The following LINGO2 variants were observed in gnomAD, a reference collection of about 807,000 sequenced individuals.
LINGO2 encodes leucine rich repeat and Ig domain containing 2.
LINGO2 carries 14 observed loss-of-function variants against 30.6 expected under a neutral mutation model. The observed-to-expected ratio is 0.46, with a 90% CI of 0.30 to 0.72. The LOEUF is 0.72. Ranked by LOEUF, LINGO2 falls within the 30% of genes least tolerant of loss-of-function variation. The pLI is 0.07. For missense variants in LINGO2, 729 were observed against 751.7 expected (o/e 0.97, Z 0.35); for synonymous variants, 317 against 288.5 (o/e 1.10, Z -1.00).
chr9:28,448,164 T>C (rs1199882036), intron 2 of LINGO2, among the ~76,000 whole-genome samples: 1 of 152,174 alleles, frequency 6.6e-6, no homozygotes, highest in East Asian at 1.9e-4. Flanking sequence ...AAAGATAGAA[T>C]AAAGGACAAA....
At chr9:28,593,534 G>A (rs920206543) in intron 1 of LINGO2, among the ~76,000 whole-genome samples, 1 of 152,040 alleles carries the variant, frequency 6.6e-6, no homozygotes, top group African/African-American at 2.4e-5. Flanking sequence ...ATGGACCACA[G>A]TAGTCTAGTG....
At chr9:27,955,892 G>C (rs974712394) in intron 5 of LINGO2, among the ~76,000 whole-genome samples, 1 of 151,192 alleles carries the variant, frequency 6.6e-6, no homozygotes, top group Admixed American at 6.6e-5. Context: ...AGCAATGCAA[G>C]GGAGTTTCAT....
chr9:28,581,947 A>G (rs1824278427), intron 1 of LINGO2, among the ~76,000 whole-genome samples: 2 of 151,924 alleles, frequency 1.3e-5, no homozygotes, highest in African/African-American at 2.4e-5. Context: ...TAATCTCTCA[A>G]TTACACAATG....
the LINGO2 span, among the ~76,000 whole-genome samples, chr9:28,885,006 ATAT>A: frequency 2.2e-5 from 2 of 89,496 alleles, no homozygotes; most frequent in Admixed American, 2.3e-4. Context: ...TTATATATAT[ATAT>A]ATATATATAT....
chr9:28,333,886 T>C (rs1825504787), intron 3 of LINGO2, among the ~76,000 whole-genome samples: 1 of 152,170 alleles, frequency 6.6e-6, no homozygotes, highest in East Asian at 1.9e-4. Flanking sequence ...GCAAAGGAAA[T>C]GAAAATATTG....
chr9:28,563,708 C>T (rs963200054), intron 1 of LINGO2, among the ~76,000 whole-genome samples: 5 of 152,104 alleles, frequency 3.3e-5, no homozygotes, highest in Non-Finnish European at 7.3e-5. Context: ...TGGCATAAGT[C>T]CTCATGAAAA....
intron 1 of LINGO2, among the ~76,000 whole-genome samples, chr9:28,617,904 GA>G (rs1031503460): frequency 6.6e-6 from 1 of 151,904 alleles, no homozygotes; most frequent in African/African-American, 2.4e-5. Flanking sequence ...CTTTACTAGT[GA>G]AAAAAGATAC....
chr9:28,164,080 C>T (rs1828361372), intron 4 of LINGO2, among the ~76,000 whole-genome samples: 1 of 152,120 alleles, frequency 6.6e-6, no homozygotes, highest in Non-Finnish European at 1.5e-5. Flanking sequence ...TTTTGGCTTA[C>T]ATGTAATGAA....
chr9:29,201,968 C>A, the LINGO2 span, among the ~76,000 whole-genome samples: 1 of 151,994 alleles, frequency 6.6e-6, no homozygotes, highest in Non-Finnish European at 1.5e-5. Flanking sequence ...TTAGTCACTG[C>A]ATGTTACCTC....
the LINGO2 span, among the ~76,000 whole-genome samples, chr9:29,118,848 C>T: frequency 6.6e-6 from 1 of 152,170 alleles, no homozygotes; most frequent in Non-Finnish European, 1.5e-5. Context: ...CTGAATCAGT[C>T]CTGCCTGCCC....
chr9:28,221,936 A>T (rs10511826), intron 4 of LINGO2, among the ~76,000 whole-genome samples: 1 of 152,100 alleles, frequency 6.6e-6, no homozygotes, highest in Non-Finnish European at 1.5e-5. Context: ...TGAATATTCC[A>T]GTCTAAATCC....
chr9:28,946,817 G>T, the LINGO2 span, among the ~76,000 whole-genome samples: 1 of 152,076 alleles, frequency 6.6e-6, no homozygotes, highest in South Asian at 2.1e-4. Flanking sequence ...ACCACAGAGA[G>T]AGTGCTTTAC....
At chr9:27,956,302 A>G (rs528288825) in intron 5 of LINGO2, among the ~76,000 whole-genome samples, 1 of 152,108 alleles carries the variant, frequency 6.6e-6, no homozygotes, top group Non-Finnish European at 1.5e-5. Flanking sequence ...CATTTTCCTC[A>G]TAACTAGTGA....
chr9:28,572,544 A>G (rs141443414), intron 1 of LINGO2, among the ~76,000 whole-genome samples: 2 of 152,232 alleles, frequency 1.3e-5, no homozygotes, highest in Admixed American at 6.5e-5. Flanking sequence ...CTCTTGTCCT[A>G]AAGCACAAGC....
rs1827327892 is a variant in LINGO2 at position 28,129,569 on chromosome 9, T to C, written c.-86-117164A>G. 1 of 152,208 alleles carries C rather than the reference T, an allele frequency of 6.6e-6. No individual in the cohort carries two copies. Among genetic ancestry groups the C allele is most frequent in the Non-Finnish European group, 1.5e-5 (1 of 68,040 alleles). 9.4% of individuals were successfully genotyped at this position (152,208 alleles called of 1,614,324 possible). On this transcript the variant is annotated intron_variant, in intron 4 of 5. Coordinates refer to ENST00000379992, the Ensembl canonical transcript of LINGO2. The surrounding 1 kb of genome is among the most constrained non-coding windows in gnomAD (Gnocchi z 4.0). ...ATGGATCTAGGATTACTTCCCTGAC[T>C]CTTCCCAACTCACTTGACCTATCTG...
chr9:29,127,625 T>G, the LINGO2 span, among the ~76,000 whole-genome samples: 19 of 152,218 alleles, frequency 1.2e-4, no homozygotes, highest in African/African-American at 4.6e-4. Context: ...TTTTCCTTTT[T>G]TCTTTTTTAA....
chr9:28,275,234 A>G (rs1184662435), intron 4 of LINGO2, among the ~76,000 whole-genome samples: 3 of 151,632 alleles, frequency 2.0e-5, no homozygotes, highest in Admixed American at 2.0e-4. Flanking sequence ...ACGCTTGGCT[A>G]ATTTTTTGTA....
chr9:28,774,183 C>T, the LINGO2 span, among the ~76,000 whole-genome samples: 2 of 151,956 alleles, frequency 1.3e-5, no homozygotes, highest in South Asian at 4.2e-4. Context: ...AATAATAGAG[C>T]ATGAGCTGTT....
chr9:28,556,364 A>G (rs1467993051), intron 1 of LINGO2, among the ~76,000 whole-genome samples: 3 of 152,106 alleles, frequency 2.0e-5, no homozygotes, highest in Admixed American at 1.3e-4. Flanking sequence ...AGACAAACAG[A>G]GAGCCAAATC....
Sources: allele counts gnomAD v4.1 joint callset (sites outside exome capture counted in the v4.1 genomes callset), GRCh38; gene constraint gnomAD v4.1.1; non-coding constraint Gnocchi (gnomAD v3.1); transcripts MANE v1.5; gene names NCBI Gene and HGNC (gene_info 2026-07-23, HGNC 2026-07-21).